The following NFATC2 variants were observed in gnomAD, a reference collection of about 807,000 sequenced individuals.
NFATC2 encodes nuclear factor of activated T cells 2.
NFATC2 carries 22 observed loss-of-function variants against 87.3 expected under a neutral mutation model. The observed-to-expected ratio is 0.25, with a 90% CI of 0.18 to 0.36. The LOEUF (loss-of-function observed/expected upper bound fraction) is 0.36, where lower values mean the gene tolerates loss of function less well. Ranked by LOEUF, NFATC2 falls within the 10% of genes least tolerant of loss-of-function variation. The probability of loss-of-function intolerance (pLI) is 1.00; values close to 1 mark genes in which losing one functional copy is unlikely to be tolerated. For missense variants in NFATC2, 1,149 were observed against 1,259.1 expected (o/e 0.91, Z 1.32); for synonymous variants, 565 against 542.2 (o/e 1.04, Z -0.58).
intron 6 of NFATC2, 135 bp downstream of exon 6, chr20:51,454,413 A>C: frequency 1.2e-6 from 1 of 833,992 alleles, no homozygotes; most frequent in South Asian, 1.8e-5. Context: ...CCCTGAAGAC[A>C]CGCTGAGTAA....
chr20:51,483,803 A>G (rs905113958), intron 3 of NFATC2, among the ~76,000 whole-genome samples: 3 of 151,718 alleles, frequency 2.0e-5, no homozygotes, highest in Non-Finnish European at 4.4e-5. Flanking sequence ...TCCATTCCCT[A>G]AATCCCACTC....
intron 3 of NFATC2, among the ~76,000 whole-genome samples, chr20:51,479,485 G>T (rs991824793): frequency 1.6e-4 from 24 of 152,184 alleles, no homozygotes; most frequent in Non-Finnish European, 2.9e-4. Context: ...CAGGCATAGT[G>T]TCGCACGTCC....
intron 3 of NFATC2, among the ~76,000 whole-genome samples, chr20:51,495,710 C>T (rs2075977251): frequency 6.6e-6 from 1 of 152,206 alleles, no homozygotes; most frequent in Non-Finnish European, 1.5e-5. Context: ...TTGTCACTTT[C>T]TGTGTTTGAA....
intron 1 of NFATC2, among the ~76,000 whole-genome samples, chr20:51,538,171 G>A (rs537638399): frequency 6.6e-6 from 1 of 152,280 alleles, no homozygotes; most frequent in East Asian, 1.9e-4. Flanking sequence ...TATCACTCAT[G>A]AATACTGAAA....
At chr20:51,423,437 G>A (rs1053049514) in intron 9 of NFATC2, among the ~76,000 whole-genome samples, 1 of 152,094 alleles carries the variant, frequency 6.6e-6, no homozygotes, top group African/African-American at 2.4e-5. Flanking sequence ...TGAGGTAGCT[G>A]GCATGGTACA....
At chr20:51,427,750 G>A (rs889017148) in intron 9 of NFATC2, among the ~76,000 whole-genome samples, 2 of 152,102 alleles carry the variant, frequency 1.3e-5, no homozygotes, top group Non-Finnish European at 2.9e-5. Context: ...CATCCCCAAA[G>A]GCCGCCTCTT....
At chr20:51,455,756 A>G (rs1327814110) in intron 5 of NFATC2, among the ~76,000 whole-genome samples, 5 of 6,378 alleles carry the variant, frequency 7.8e-4, no homozygotes, top group Admixed American at 2.1e-3. Flanking sequence ...GGGTGGATGG[A>G]TGGATAGATG....
rs11467129 is a variant in NFATC2, at chr20:51,477,535, CTATATATATATATATA to C, written c.1333-1891_1333-1876del. Among the ~76,000 whole-genome samples, 169 of 72,724 alleles carry C rather than the reference CTATATATATATATATA, an allele frequency of 2.3e-3. 3 individuals carry two copies. Among genetic ancestry groups the C allele is most frequent in the Middle Eastern group, 0.017 (2 of 120 alleles). 47.7% of individuals were successfully genotyped at this position (72,724 alleles called of 152,430 possible). On this transcript the variant is annotated intron_variant, in intron 3 of 10. Transcript: ENST00000371564. ...TATATATACATATGTGTGTGTGTGT[CTATATATATATATATA>C]TATATATATATATATATATATATAT...
chr20:51,408,511 TTAAAAAAAA>T (rs1242877405), intron 9 of NFATC2, among the ~76,000 whole-genome samples: 1 of 125,348 alleles, frequency 8.0e-6, no homozygotes, highest in Non-Finnish European at 1.6e-5. Flanking sequence ...AAGACTCTTT[TTAAAAAAAA>T]AAAAAAAAAA....
intron 3 of NFATC2, among the ~76,000 whole-genome samples, chr20:51,481,069 CG>C (rs968579939): frequency 2.0e-5 from 3 of 152,092 alleles, no homozygotes; most frequent in African/African-American, 7.2e-5. Context: ...GAATACTTCC[CG>C]TCCACCCTCC....
intron 9 of NFATC2, among the ~76,000 whole-genome samples, chr20:51,411,514 G>GTTTTTTTTT (rs1748788232): frequency 9.2e-6 from 1 of 108,972 alleles, no homozygotes; most frequent in African/African-American, 3.6e-5. Flanking sequence ...CAATGCAATT[G>GTTTTTTTTT]TCTTTTTTTT....
At chr20:51,414,228 C>T (rs914034681) in intron 9 of NFATC2, among the ~76,000 whole-genome samples, 1 of 151,996 alleles carries the variant, frequency 6.6e-6, no homozygotes, top group African/African-American at 2.4e-5. Flanking sequence ...AGCATTTGTC[C>T]TCACTACCCA....
chr20:51,542,408 G>A lies in NFATC2; in HGVS notation c.92C>T (p.Ser31Phe), dbSNP rs2076834031. 1.2e-6 allele frequency: 2 copies of A among 1,605,722 alleles called. No individual in the cohort carries two copies. Among genetic ancestry groups the A allele is most frequent in the Non-Finnish European group, 1.7e-6 (2 of 1,176,170 alleles). ...GGSPQDELDF[S>F]ILFDYEYLNP... ...CAAATACTCATAGTCGAAGAGGATG[G>A]AGAAGTCAAGCTCGTCTTGGGGGCT... Residue 31 changes from serine to phenylalanine, a missense_variant, in exon 1 of 11, where the codon TCC becomes TTC. By Grantham distance (155) the Ser-to-Phe change is radical. Around this residue, in one of 3 missense-constraint regions of NFATC2, gnomAD observed 563 missense variants for 585.2 expected, o/e 0.96. Transcript: ENST00000371564.
intron 5 of NFATC2, among the ~76,000 whole-genome samples, chr20:51,469,909 G>GTTGTGTT (rs1988040654): frequency 1.3e-5 from 2 of 152,216 alleles, no homozygotes; most frequent in Non-Finnish European, 2.9e-5. Context: ...GTTGTTTCAA[G>GTTGTGTT]CCACCTGGTT....
At chr20:51,428,966 G>A (rs1180164230) in intron 9 of NFATC2, among the ~76,000 whole-genome samples, 4 of 152,150 alleles carry the variant, frequency 2.6e-5, no homozygotes, top group African/African-American at 7.2e-5. Flanking sequence ...AATCATAAAC[G>A]AAAGGGACAG....
intron 3 of NFATC2, among the ~76,000 whole-genome samples, chr20:51,481,165 G>A (rs1989221348): frequency 1.3e-5 from 2 of 152,218 alleles, no homozygotes; most frequent in Non-Finnish European, 2.9e-5. Context: ...TTCCTCGCCA[G>A]GTCCCTGGAG....
rs564692587 is a variant in NFATC2 at position 51,530,684 on chromosome 20, T to C, written c.131-6574A>G. 2.0e-5 allele frequency among the ~76,000 whole-genome samples: 3 copies of C among 152,228 alleles called. No homozygotes were observed. The East Asian group carries it at 5.8e-4, about 29-fold the overall frequency. On this transcript the variant is annotated intron_variant, in intron 1 of 10. Transcript: ENST00000371564. Reference sequence around the variant, plus strand: ...GTTGCTGCTCAAGGGCCTCTGTACCTCCATGTCACGCACATGCTGTTCCCC... The same window carrying C: ...GTTGCTGCTCAAGGGCCTCTGTACCCCCATGTCACGCACATGCTGTTCCCC...
At chr20:51,544,949 G>T (rs2076877389), upstream of NFATC2, among the ~76,000 whole-genome samples, 1 of 152,192 alleles carries the variant, frequency 6.6e-6, no homozygotes, top group Admixed American at 6.5e-5. Flanking sequence ...TCCAGCCTTT[G>T]TTTCCTAACT....
chr20:51,509,205 T>C (rs1251752891), intron 3 of NFATC2, among the ~76,000 whole-genome samples: 1 of 152,160 alleles, frequency 6.6e-6, no homozygotes, highest in Middle Eastern at 3.2e-3. Context: ...CCAATTCTCC[T>C]TGGCCTGATA....
Sources: allele counts gnomAD v4.1 joint callset (sites outside exome capture counted in the v4.1 genomes callset), GRCh38; gene constraint gnomAD v4.1.1; regional missense constraint gnomAD v4.1.1; transcripts MANE v1.5; gene names NCBI Gene and HGNC (gene_info 2026-07-23, HGNC 2026-07-21).